Variants in GATAD1 observed in about 807,000 individuals in gnomAD.
GATAD1 encodes the protein GATA zinc finger domain-containing protein 1.
Under a neutral mutation model 26.5 loss-of-function variants are expected in GATAD1, and 12 were observed. The ratio of observed to expected loss-of-function variants is 0.45; its 90% CI spans 0.29 to 0.73. The LOEUF is 0.73. GATAD1 is among the 30% of genes least tolerant of loss of function. The pLI is 0.10. For synonymous variants in GATAD1, 129 were observed against 133.1 expected, an observed-to-expected ratio of 0.97 and a Z score of 0.21; for missense variants, 266 against 342.1, an observed-to-expected ratio of 0.78 and a Z score of 1.75.
the GATAD1 span, among the ~76,000 whole-genome samples, chr7:92,465,553 G>A: frequency 1.3e-5 from 2 of 151,946 alleles, no homozygotes; most frequent in South Asian, 2.1e-4. Context: ...GGGAGGTGGA[G>A]GTTGCAGTGA....
At chr7:92,452,383 A>G (rs1789475629) in intron 3 of GATAD1, among the ~76,000 whole-genome samples, 2 of 152,360 alleles carry the variant, frequency 1.3e-5, no homozygotes, top group Admixed American at 6.5e-5. Context: ...AGGCAGCACC[A>G]TGGTGGCAAG....
At chr7:92,481,721 A>T in the GATAD1 span, among the ~76,000 whole-genome samples, 1 of 152,172 alleles carries the variant, frequency 6.6e-6, no homozygotes, top group Non-Finnish European at 1.5e-5. Context: ...TTTAGAATCT[A>T]TGGGGTCAGC....
chr7:92,469,675 G>A, the GATAD1 span: 1 of 764,438 alleles, frequency 1.3e-6, no homozygotes, highest in Non-Finnish European at 2.4e-6. Context: ...TTTTACACAG[G>A]TGAGGTTTGA....
At chr7:92,487,266 C>T in the GATAD1 span, 4 of 378,868 alleles carry the variant, frequency 1.1e-5, no homozygotes, top group South Asian at 8.0e-5. Flanking sequence ...TTATAATGTC[C>T]CAATTTATAC....
the GATAD1 span, among the ~76,000 whole-genome samples, chr7:92,476,662 GTC>G: frequency 6.7e-6 from 1 of 150,150 alleles, no homozygotes; most frequent in Admixed American, 6.6e-5. Flanking sequence ...TCTCCTCTCT[GTC>G]TCTCTCTCTT....
intron 4 of GATAD1, among the ~76,000 whole-genome samples, 160 bp downstream of exon 4, chr7:92,454,845 G>A (rs59258744): frequency 1.3e-5 from 2 of 152,212 alleles, no homozygotes; most frequent in Non-Finnish European, 2.9e-5. Context: ...GGAGGCTGAA[G>A]TCCAACATCA....
downstream of GATAD1, among the ~76,000 whole-genome samples, chr7:92,462,385 A>C (rs1434330662): frequency 6.6e-6 from 1 of 152,008 alleles, no homozygotes; most frequent in Non-Finnish European, 1.5e-5. Flanking sequence ...AAAAAACAAA[A>C]ACACACACAT....
chr7:92,447,556 T>TTCCCGCC lies in GATAD1; in HGVS notation c.-170_-164dup, dbSNP rs1349312713. 7.3e-6 allele frequency: 6 copies of TTCCCGCC among 819,024 alleles called. No individual in the cohort carries two copies. The East Asian group carries it at 2.3e-4, about 31-fold the overall frequency. 50.7% of individuals were successfully genotyped at this position (819,024 alleles called of 1,614,324 possible). A position where few individuals can be genotyped will look rare whatever the true frequency, so the allele number is the denominator to read the frequency against. On this transcript the variant is annotated 5_prime_UTR_variant, in exon 1 of 5. Coordinates refer to ENST00000287957, the MANE Select transcript of GATAD1 (RefSeq NM_021167.5). ...CGCCTGCGGAGCCGGCGGAACCCGC[T>TTCCCGCC]TCCCGCCTCCACGGGGCAGCGCCAG...
chr7:92,464,760 G>A (rs577553071), downstream of GATAD1, among the ~76,000 whole-genome samples: 4 of 152,262 alleles, frequency 2.6e-5, no homozygotes, highest in African/African-American at 7.2e-5. Flanking sequence ...CAAAGGCATC[G>A]TTTTTCAGAG....
chr7:92,455,299 C>T lies in GATAD1; in HGVS notation c.619+614C>T, dbSNP rs1789623711. Among the ~76,000 whole-genome samples, 3 of 152,186 alleles carry T rather than the reference C, an allele frequency of 2.0e-5. No individual in the cohort carries two copies. The East Asian group carries it at 5.8e-4, about 29-fold the overall frequency. ...TGGATAAGATTTTTTTGGAGTGACCCAGGGTTAAACTGTACTACAAGAATG... is the reference window on the plus strand; with the variant it reads ...TGGATAAGATTTTTTTGGAGTGACCTAGGGTTAAACTGTACTACAAGAATG... On this transcript the variant is annotated intron_variant, in intron 4 of 4. Transcript: ENST00000287957.
the GATAD1 span, among the ~76,000 whole-genome samples, chr7:92,480,116 G>T: frequency 1.2e-4 from 18 of 152,226 alleles, no homozygotes; most frequent in East Asian, 1.5e-3. Context: ...GGGTACGAAG[G>T]TTCCACTGAA....
the GATAD1 span, chr7:92,468,493 G>T: frequency 7.2e-6 from 2 of 279,508 alleles, no homozygotes; most frequent in Non-Finnish European, 1.3e-5. Context: ...TTTATATCCC[G>T]ATCATTGTCC....
chr7:92,487,493 T>G, the GATAD1 span: 1 of 1,596,868 alleles, frequency 6.3e-7, no homozygotes, highest in African/African-American at 1.3e-5. Flanking sequence ...GTCGAAACAT[T>G]GTTCCACTTT....
chr7:92,448,752 A>G lies in GATAD1; in HGVS notation c.250A>G (p.Ser84Gly). The stretch of plus-strand genomic sequence containing the variant: ...GTTCTTTAATTTGTTTGTGTAACAG[A>G]GTAAGCAGGAAATTCACAGGAGGTC... ...QSNGGGGGKQ[S>G]KQEIHRRSAR... The change falls in exon 2 of 5, where the codon AGT becomes GGT. Residue 84 changes from serine (S) to glycine (G), a missense_variant and splice_region_variant. Physicochemically the swap from Ser to Gly is moderately conservative, Grantham distance 56 (BLOSUM62 0). Transcript: ENST00000287957. 6.2e-7 allele frequency: 1 copy of G among 1,610,980 alleles called. No individual in the cohort carries two copies. Among genetic ancestry groups the G allele is most frequent in the Non-Finnish European group, 8.5e-7 (1 of 1,177,116 alleles).
At chr7:92,449,660 G>T (rs1228618247) in intron 2 of GATAD1, 16 of 945,988 alleles carry the variant, frequency 1.7e-5, no homozygotes, top group Non-Finnish European at 2.0e-5. Flanking sequence ...TTATGCAGAT[G>T]GCAGACTATT....
At chr7:92,474,752 G>A in the GATAD1 span, 3 of 152,302 alleles carry the variant, frequency 2.0e-5, no homozygotes, top group Admixed American at 6.5e-5. Context: ...CCTAACCCTT[G>A]TAAAACATCA....
At chr7:92,487,872 GA>G in the GATAD1 span, among the ~76,000 whole-genome samples, 1 of 152,086 alleles carries the variant, frequency 6.6e-6, no homozygotes, top group South Asian at 2.1e-4. Context: ...GCCAAGTTTA[GA>G]AAAATACTGC....
the GATAD1 span, among the ~76,000 whole-genome samples, chr7:92,474,149 T>C: frequency 6.6e-6 from 1 of 152,136 alleles, no homozygotes; most frequent in Admixed American, 6.5e-5. Flanking sequence ...CGGTGGCCTT[T>C]TTTTTAATCC....
chr7:92,484,109 A>T, the GATAD1 span, among the ~76,000 whole-genome samples: 2 of 152,132 alleles, frequency 1.3e-5, no homozygotes, highest in Admixed American at 1.3e-4. Context: ...ATCTTGTAGG[A>T]TGGAGAAATT....
Sources: gnomAD v4.1 joint callset for allele counts (sites outside exome capture counted in the v4.1 genomes callset) on GRCh38, gnomAD v4.1.1 for gene constraint, MANE v1.5 for transcripts, NCBI Gene and HGNC (gene_info 2026-07-23, HGNC 2026-07-21) for gene names.